Variants in RNF212 observed in about 807,000 individuals in gnomAD.
RNF212 encodes the protein ring finger protein 212, also known as probable E3 SUMO-protein ligase RNF212.
RNF212 carries 33 observed loss-of-function variants against 34.7 expected under a neutral mutation model. That is an observed-to-expected ratio of 0.95 (90% CI 0.72 to 1.27). The LOEUF is 1.27. Ranked by LOEUF, RNF212 falls within the 50% of genes most tolerant of loss-of-function variation. The probability of loss-of-function intolerance (pLI) is 0.00; values close to 1 mark genes in which losing one functional copy is unlikely to be tolerated. For missense variants in RNF212, 377 were observed against 362.2 expected (o/e 1.04, Z -0.33); for synonymous variants, 140 against 136.1 (o/e 1.03, Z -0.20).
chr4:1,093,675 C>G, intron 3 of RNF212: 2 of 1,536,124 alleles, frequency 1.3e-6, no homozygotes, highest in Admixed American at 2.0e-5. Flanking sequence ...CAAAACCACC[C>G]TGGAGCGCAC....
At chr4:1,113,568 TGCGCAAAGTCGACGGCAGCCCTGCGCCC>T (rs1726175119), upstream of RNF212, 1 of 872,010 alleles carries the variant, frequency 1.1e-6, no homozygotes, top group East Asian at 3.3e-5. Flanking sequence ...GCTCTGCGCC[TGCGCAAAGTCGACGGCAGCCCTGCGCCC>T]GCGCACTGGA....
intron 4 of RNF212, chr4:1,058,279 G>C: frequency 1.4e-6 from 1 of 718,918 alleles, no homozygotes; most frequent in Non-Finnish European, 1.7e-6. Flanking sequence ...TGCTTGCGGG[G>C]GTTAGAACGC....
chr4:1,076,255 G>T (rs1719282094), intron 8 of RNF212, among the ~76,000 whole-genome samples: 1 of 152,148 alleles, frequency 6.6e-6, no homozygotes, highest in African/African-American at 2.4e-5. Flanking sequence ...AGCAGCCTGA[G>T]GTCCCCAGGC....
intron 3 of RNF212, chr4:1,094,138 C>A (rs1041851036): frequency 1.7e-6 from 2 of 1,203,430 alleles, no homozygotes; most frequent in Admixed American, 2.9e-5. Flanking sequence ...AGGGGTCCAT[C>A]CTCAGTCTCC....
chr4:1,085,730 GTTTTCCCACAGCA>G (rs893423410), intron 5 of RNF212, 153 bp downstream of exon 5: 2 of 632,190 alleles, frequency 3.2e-6, no homozygotes, highest in African/African-American at 1.8e-5. Context: ...CTTCCCTTCG[GTTTTCCCACAGCA>G]TTTTTGCTCT....
chr4:1,095,420 GCGCACC>G (rs1722924296), intron 3 of RNF212, among the ~76,000 whole-genome samples: 2 of 28,130 alleles, frequency 7.1e-5, no homozygotes, highest in Admixed American at 2.8e-4. Context: ...TCTCGGGATA[GCGCACC>G]TGGCTCATCA....
At chr4:1,057,079 G>T in intron 4 of RNF212, 1 of 756,738 alleles carries the variant, frequency 1.3e-6, no homozygotes, top group Non-Finnish European at 1.6e-6. Context: ...AGCACTGGCC[G>T]TTTTGTGGTT....
chr4:1,087,902 G>A (rs1303757872), intron 4 of RNF212, among the ~76,000 whole-genome samples: 1 of 152,034 alleles, frequency 6.6e-6, no homozygotes, highest in Admixed American at 6.5e-5. Context: ...TAAGTTTCCT[G>A]AGGCCTTCCC....
intron 2 of RNF212, chr4:1,099,665 G>A (rs1165240587): frequency 2.3e-6 from 1 of 442,308 alleles, no homozygotes; most frequent in African/African-American, 2.0e-5. Context: ...TTAAAAGGGG[G>A]GTGTGTGCGC....
chr4:1,108,369 AAGG>A lies in RNF212; in HGVS notation c.142_144del (p.Pro48del), dbSNP rs1725142636. ...TGCTTTGAAAGCAAAACTGTACGAC[AAGG>A]AGCTTTACAAATCAAGCATTCATTC... On this transcript the variant is annotated inframe_deletion, in exon 2 of 10. Coordinates refer to ENST00000433731, the MANE Select transcript of RNF212 (RefSeq NM_001131034.4). 2 of 1,510,662 alleles carry A rather than the reference AAGG, an allele frequency of 1.3e-6. No individual in the cohort carries two copies. Among genetic ancestry groups the A allele is most frequent in the East Asian group, 5.2e-5 (2 of 38,176 alleles). The allele number at this position is 1,510,662 out of a possible 1,614,324, so 93.6% of individuals were successfully genotyped here. A position where few individuals can be genotyped will look rare whatever the true frequency, so the allele number is the denominator to read the frequency against.
intron 3 of RNF212, among the ~76,000 whole-genome samples, chr4:1,062,582 G>T (rs371440842): frequency 2.0e-5 from 3 of 152,114 alleles, no homozygotes; most frequent in Non-Finnish European, 4.4e-5. Context: ...CTAAGATCAG[G>T]AACAGAACAA....
At chr4:1,085,194 A>G (rs1281695012) in intron 5 of RNF212, among the ~76,000 whole-genome samples, 1 of 152,262 alleles carries the variant, frequency 6.6e-6, no homozygotes, top group African/African-American at 2.4e-5. Context: ...GCTGAGCGTA[A>G]TATGTGCCAC....
At chr4:1,059,234 C>T (rs1170291771) in intron 3 of RNF212, among the ~76,000 whole-genome samples, 5 of 152,226 alleles carry the variant, frequency 3.3e-5, no homozygotes, top group Non-Finnish European at 5.9e-5. Context: ...GTCTTTGCCC[C>T]GGGGCTGTGC....
At chr4:1,082,202 A>C (rs1360295094) in intron 5 of RNF212, among the ~76,000 whole-genome samples, 2 of 152,202 alleles carry the variant, frequency 1.3e-5, no homozygotes, top group Admixed American at 6.5e-5. Flanking sequence ...AGAAATATGG[A>C]CAAGTTACTT....
chr4:1,094,300 C>A (rs551868217), intron 3 of RNF212, among the ~76,000 whole-genome samples: 13 of 152,292 alleles, frequency 8.5e-5, no homozygotes, highest in African/African-American at 2.9e-4. Context: ...GCAGCTTTCC[C>A]CCAGACTGGT....
At chr4:1,100,958 G>T (rs995208118) in intron 2 of RNF212, 2 of 177,774 alleles carry the variant, frequency 1.1e-5, no homozygotes, top group East Asian at 1.4e-4. Context: ...GGAATTCTGC[G>T]GCTGAAATCA....
chr4:1,085,710 T>A, intron 5 of RNF212, 186 bp downstream of exon 5: 1 of 601,506 alleles, frequency 1.7e-6, no homozygotes, highest in Non-Finnish European at 3.0e-6. Flanking sequence ...TTTTCTTTTT[T>A]GTCTCCCTTC....
intron 8 of RNF212, among the ~76,000 whole-genome samples, chr4:1,074,921 C>G (rs971210774): frequency 6.6e-6 from 1 of 150,754 alleles, no homozygotes; most frequent in Non-Finnish European, 1.5e-5. Context: ...ATCCTTCCAT[C>G]CGCTAGGATG....
At chr4:1,102,214 T>C (rs534746617) in intron 2 of RNF212, among the ~76,000 whole-genome samples, 1 of 152,190 alleles carries the variant, frequency 6.6e-6, no homozygotes, top group Non-Finnish European at 1.5e-5. Flanking sequence ...GAAACAAATA[T>C]AAAATGGACA....
Sources: allele counts gnomAD v4.1 joint callset (sites outside exome capture counted in the v4.1 genomes callset), GRCh38; gene constraint gnomAD v4.1.1; transcripts MANE v1.5; gene names NCBI Gene and HGNC (gene_info 2026-07-23, HGNC 2026-07-21).